RBFOX1: variants seen among roughly 807,000 people sequenced by gnomAD.
The protein encoded by RBFOX1 is RNA binding fox-1 homolog 1, also known as RNA binding protein fox-1 homolog 1.
Under a neutral mutation model 57.7 loss-of-function variants are expected in RBFOX1, and 8 were observed. That is an observed-to-expected ratio of 0.14 (90% CI 0.08 to 0.25). The LOEUF is 0.25. Ranked by LOEUF, RBFOX1 falls within the 10% of genes least tolerant of loss-of-function variation. The probability of loss-of-function intolerance (pLI) is 1.00; values close to 1 mark genes in which losing one functional copy is unlikely to be tolerated. For synonymous variants in RBFOX1, 326 were observed against 222.4 expected (o/e 1.47, Z -4.15); for missense variants, 611 against 548.5 (o/e 1.11, Z -1.14).
rs899246258 is a variant in RBFOX1, at chr16:7,272,225, C to G, written c.27+220127C>G. ...TTGAGAAAGAGTCTCGCTCTGTCAT[C>G]CAGAGCTGGAGTGCATTGGTATCAC... is the stretch of plus-strand genomic sequence containing the variant. On this transcript the variant is annotated intron_variant, in intron 4 of 15. Coordinates refer to ENST00000550418, the MANE Select transcript of RBFOX1 (RefSeq NM_018723.4). Among the ~76,000 whole-genome samples the G allele has an allele frequency of 5.3e-5, 8 of 152,128 alleles. No homozygotes were observed. The South Asian group carries it at 6.2e-4, about 12-fold the overall frequency.
At chr16:7,596,136 C>CAA (rs1220643324) in intron 8 of RBFOX1, among the ~76,000 whole-genome samples, 3 of 3,620 alleles carry the variant, frequency 8.3e-4, no homozygotes, top group African/African-American at 9.4e-4. Flanking sequence ...GAAAAAAAAA[C>CAA]AAAAAAAAAA....
intron 4 of RBFOX1, among the ~76,000 whole-genome samples, chr16:7,166,247 C>G (rs1201699440): frequency 6.8e-6 from 1 of 147,140 alleles, no homozygotes; most frequent in African/African-American, 2.4e-5. Flanking sequence ...TTCCTATCCT[C>G]AAGTGATCCA....
intron 2 of RBFOX1, among the ~76,000 whole-genome samples, chr16:5,468,302 A>G (rs1198894182): frequency 1.3e-5 from 2 of 152,142 alleles, no homozygotes; most frequent in African/African-American, 4.8e-5. Context: ...AAACATTTTC[A>G]TCATGCCAAA....
chr16:5,728,921 C>G (rs1389359431), intron 3 of RBFOX1, among the ~76,000 whole-genome samples: 2 of 152,178 alleles, frequency 1.3e-5, no homozygotes, highest in East Asian at 1.9e-4. Context: ...ACAATATCAC[C>G]TCTCAACCTC....
At chr16:6,216,079 T>C (rs1266777412) in intron 1 of RBFOX1, among the ~76,000 whole-genome samples, 1 of 152,078 alleles carries the variant, frequency 6.6e-6, no homozygotes, top group Non-Finnish European at 1.5e-5. Context: ...AGTTAAATGA[T>C]AAGAACACAT....
intron 4 of RBFOX1, among the ~76,000 whole-genome samples, chr16:7,293,777 G>A (rs544770929): frequency 1.2e-4 from 18 of 152,192 alleles, no homozygotes; most frequent in South Asian, 1.0e-3. Context: ...ACCTAGTTTC[G>A]TATGATTCCT....
chr16:7,214,801 A>G (rs906934621), intron 4 of RBFOX1, among the ~76,000 whole-genome samples: 1 of 152,174 alleles, frequency 6.6e-6, no homozygotes, highest in Non-Finnish European at 1.5e-5. Flanking sequence ...TGAAGTAGAC[A>G]CATGTTCCTC....
At chr16:7,304,279 A>C in intron 4 of RBFOX1, 1 of 984,230 alleles carries the variant, frequency 1.0e-6, no homozygotes, top group Non-Finnish European at 1.2e-6. Flanking sequence ...GACTTAGATA[A>C]CCAGCAAAAT....
At chr16:5,896,437 C>A (rs1269364345) in intron 4 of RBFOX1, among the ~76,000 whole-genome samples, 1 of 151,628 alleles carries the variant, frequency 6.6e-6, no homozygotes, top group Non-Finnish European at 1.5e-5. Context: ...CACCTCCCTG[C>A]GCTCCCCCTG....
rs184836483 is a variant in RBFOX1 at position 6,607,924 on chromosome 16, G to A, written c.-63-46679G>A. 3.4e-3 allele frequency among the ~76,000 whole-genome samples: 518 copies of A among 152,262 alleles called. 3 individuals carry two copies. The highest frequency in any genetic ancestry group is 5.0e-3 in the Non-Finnish European group (337 of 68,026). ...CTGGAGTTGGCAACATACTGAAATA[G>A]AATATATACAAACTTGGAAACAGCT... On this transcript the variant is annotated intron_variant, in intron 2 of 15. Transcript: ENST00000550418.
intron 13 of RBFOX1, among the ~76,000 whole-genome samples, chr16:7,671,355 T>C (rs1255137025): frequency 6.6e-6 from 1 of 152,178 alleles, no homozygotes; most frequent in Non-Finnish European, 1.5e-5. Context: ...ACCTTGATAC[T>C]CTCCATTGCA....
chr16:7,126,933 C>G (rs879261010), intron 4 of RBFOX1, among the ~76,000 whole-genome samples: 1 of 150,400 alleles, frequency 6.6e-6, no homozygotes, highest in Non-Finnish European at 1.5e-5. Context: ...AGCTTAAACC[C>G]GGGAGGCAGA....
At chr16:7,627,890 A>G (rs931698190) in intron 10 of RBFOX1, among the ~76,000 whole-genome samples, 6 of 151,612 alleles carry the variant, frequency 4.0e-5, no homozygotes, top group Non-Finnish European at 8.8e-5. Context: ...TTGTTTTACA[A>G]AAGGTCAAAA....
At chr16:5,610,582 T>C (rs1200032188) in intron 3 of RBFOX1, 1 of 152,154 alleles carries the variant, frequency 6.6e-6, no homozygotes, top group African/African-American at 2.4e-5. Context: ...ATCCCAGTGC[T>C]TTGGAGGTTG....
intron 4 of RBFOX1, among the ~76,000 whole-genome samples, chr16:7,125,761 G>C (rs560958017): frequency 6.6e-6 from 1 of 152,112 alleles, no homozygotes; most frequent in African/African-American, 2.4e-5. Context: ...GTGAGGCCAA[G>C]GATATGACTG....
At chr16:5,794,756 AC>A (rs1198981302) in intron 3 of RBFOX1, among the ~76,000 whole-genome samples, 3 of 152,306 alleles carry the variant, frequency 2.0e-5, no homozygotes, top group African/African-American at 7.2e-5. Context: ...ATTTCAAGTG[AC>A]TGAACATTAA....
At chr16:7,245,137 T>C (rs1482149529) in intron 4 of RBFOX1, among the ~76,000 whole-genome samples, 1 of 152,154 alleles carries the variant, frequency 6.6e-6, no homozygotes, top group Non-Finnish European at 1.5e-5. Flanking sequence ...CTAGATTATT[T>C]TTATTGATAA....
chr16:6,521,681 C>G (rs1054872290), intron 2 of RBFOX1, among the ~76,000 whole-genome samples: 3 of 151,966 alleles, frequency 2.0e-5, no homozygotes, highest in Non-Finnish European at 4.4e-5. Context: ...CTAATTATAG[C>G]CTTGTTTGGA....
At chr16:7,169,674 G>T (rs567550509) in intron 4 of RBFOX1, among the ~76,000 whole-genome samples, 1 of 152,144 alleles carries the variant, frequency 6.6e-6, no homozygotes, top group Non-Finnish European at 1.5e-5. Context: ...TTTGGTGCAG[G>T]GTTTACTACT....
Sources: gnomAD v4.1 joint callset for allele counts (sites outside exome capture counted in the v4.1 genomes callset) on GRCh38, gnomAD v4.1.1 for gene constraint, MANE v1.5 for transcripts, NCBI Gene and HGNC (gene_info 2026-07-23, HGNC 2026-07-21) for gene names.